The following ESF1 variants were observed in gnomAD, a reference collection of about 807,000 sequenced individuals.
ESF1 encodes ESF1 nucleolar pre-rRNA processing protein.
Under a neutral mutation model 92.0 loss-of-function variants are expected in ESF1, and 58 were observed. The ratio of observed to expected loss-of-function variants is 0.63; its 90% CI spans 0.51 to 0.78. The LOEUF (loss-of-function observed/expected upper bound fraction) is 0.78. Ranked by LOEUF, ESF1 falls within the 30% of genes least tolerant of loss-of-function variation. ESF1 has a pLI of 0.00. For synonymous variants in ESF1, 321 were observed against 313.7 expected (o/e 1.02, Z -0.24); for missense variants, 922 against 989.1 (o/e 0.93, Z 0.91).
chr20:13,723,986 T>C (rs1159034550), intron 11 of ESF1, among the ~76,000 whole-genome samples: 2 of 152,222 alleles, frequency 1.3e-5, no homozygotes, highest in African/African-American at 4.8e-5. Context: ...AGTTATTTTA[T>C]TTCTACATTT....
At chr20:13,737,566 C>G (rs1243169103) in intron 9 of ESF1, among the ~76,000 whole-genome samples, 1 of 152,212 alleles carries the variant, frequency 6.6e-6, no homozygotes, top group East Asian at 1.9e-4. Flanking sequence ...AAACCTGACT[C>G]TGTAACACTC....
intron 11 of ESF1, among the ~76,000 whole-genome samples, chr20:13,726,831 T>C (rs908187058): frequency 1.6e-3 from 48 of 30,090 alleles, no homozygotes; most frequent in African/African-American, 5.8e-3. Context: ...GTTTTGCTTT[T>C]TCAAAACAAA....
chr20:13,776,791 G>C (rs73259207), intron 2 of ESF1, among the ~76,000 whole-genome samples: 1,742 of 152,268 alleles, frequency 0.011, 31 homozygotes, highest in African/African-American at 0.039. Flanking sequence ...GGATGAACAG[G>C]AGTTAAATAG....
chr20:13,758,291 C>T (rs1978992530), intron 9 of ESF1, among the ~76,000 whole-genome samples: 2 of 151,996 alleles, frequency 1.3e-5, no homozygotes, highest in South Asian at 4.1e-4. Context: ...TTAGACTTTT[C>T]CTCTCCAGGC....
chr20:13,782,230 TTTATCTGGTTAGAGAATATAGTTCTCA>T (rs1260944029), intron 2 of ESF1, among the ~76,000 whole-genome samples: 1 of 152,182 alleles, frequency 6.6e-6, no homozygotes, highest in Non-Finnish European at 1.5e-5. Flanking sequence ...CATATAACAC[TTTATCTGGTTAGAGAATATAGTTCTCA>T]TTAGGGCTCA....
chr20:13,767,549 A>G (rs947224725), intron 7 of ESF1, among the ~76,000 whole-genome samples: 2 of 151,810 alleles, frequency 1.3e-5, no homozygotes, highest in Admixed American at 6.6e-5. Flanking sequence ...AAAAAAAGTT[A>G]ACATTATGAA....
At chr20:13,716,110 T>C (rs1056047171) in intron 13 of ESF1, among the ~76,000 whole-genome samples, 2 of 152,184 alleles carry the variant, frequency 1.3e-5, no homozygotes, top group Non-Finnish European at 2.9e-5. Context: ...AGAAGCCATC[T>C]GTATGCTACC....
chr20:13,741,570 T>C (rs993450612), intron 9 of ESF1, among the ~76,000 whole-genome samples: 4 of 152,010 alleles, frequency 2.6e-5, no homozygotes, highest in African/African-American at 9.6e-5. Context: ...ATTCAACAAA[T>C]GGAACAAGAT....
intron 11 of ESF1, 41 bp from the exon 12 acceptor site, chr20:13,719,025 G>T (rs749793095): frequency 1.4e-6 from 2 of 1,424,198 alleles, no homozygotes; most frequent in South Asian, 1.3e-5. Context: ...AAAATTACAG[G>T]ACTATCAGCA....
At chr20:13,781,618 A>C (rs1349087367) in intron 2 of ESF1, among the ~76,000 whole-genome samples, 1 of 152,104 alleles carries the variant, frequency 6.6e-6, no homozygotes, top group Non-Finnish European at 1.5e-5. Flanking sequence ...AGGGGCAAAA[A>C]ATCTGTTGCT....
intron 12 of ESF1, among the ~76,000 whole-genome samples, chr20:13,718,147 G>C (rs557018814): frequency 6.6e-6 from 1 of 152,282 alleles, no homozygotes; most frequent in African/African-American, 2.4e-5. Flanking sequence ...TACAGAGTAT[G>C]CTCTCGACCT....
chr20:13,757,632 A>G (rs183171259), intron 9 of ESF1, among the ~76,000 whole-genome samples: 5 of 152,234 alleles, frequency 3.3e-5, no homozygotes, highest in African/African-American at 1.2e-4. Flanking sequence ...CGAACATCTG[A>G]GGCTCAAGTA....
intron 8 of ESF1, among the ~76,000 whole-genome samples, chr20:13,762,632 G>A (rs1026672787): frequency 1.3e-5 from 2 of 152,092 alleles, no homozygotes; most frequent in Non-Finnish European, 2.9e-5. Flanking sequence ...TATATAAGGA[G>A]TGAAAGAATA....
chr20:13,733,666 C>T, intron 10 of ESF1, 55 bp downstream of exon 10: 1 of 1,548,560 alleles, frequency 6.5e-7, no homozygotes, highest in Non-Finnish European at 8.8e-7. Flanking sequence ...CACCTGGTAC[C>T]ATCTGATATA....
At chr20:13,763,275 T>C (rs1028504320) in intron 8 of ESF1, among the ~76,000 whole-genome samples, 38 of 152,216 alleles carry the variant, frequency 2.5e-4, no homozygotes, top group African/African-American at 9.2e-4. Flanking sequence ...GGAAGAAAGA[T>C]ATAGGGGGTT....
At chr20:13,739,416 C>T (rs1202268830) in intron 9 of ESF1, among the ~76,000 whole-genome samples, 1 of 152,104 alleles carries the variant, frequency 6.6e-6, no homozygotes, top group African/African-American at 2.4e-5. Context: ...AACATTTGGG[C>T]CTCATTAGGG....
At chr20:13,759,160 T>C (rs1288614230) in intron 9 of ESF1, among the ~76,000 whole-genome samples, 1 of 152,250 alleles carries the variant, frequency 6.6e-6, no homozygotes, top group East Asian at 1.9e-4. Context: ...TACTACAGAA[T>C]GATCCCATTT....
chr20:13,717,169 G>C (rs1003105350), intron 13 of ESF1, among the ~76,000 whole-genome samples, 199 bp downstream of exon 13: 6 of 151,764 alleles, frequency 4.0e-5, no homozygotes, highest in Non-Finnish European at 5.9e-5. Context: ...TGTTGCCCAG[G>C]CTGGTCTCCA....
chr20:13,748,515 T>TACATATATATATATAC (rs1978404229), intron 9 of ESF1, among the ~76,000 whole-genome samples: 2 of 133,166 alleles, frequency 1.5e-5, no homozygotes, highest in African/African-American at 5.9e-5. Flanking sequence ...CACATATATA[T>TACATATATATATATAC]ACACATATAT....
Sources: gnomAD v4.1 joint callset for allele counts (sites outside exome capture counted in the v4.1 genomes callset) on GRCh38, gnomAD v4.1.1 for gene constraint, MANE v1.5 for transcripts, NCBI Gene and HGNC (gene_info 2026-07-23, HGNC 2026-07-21) for gene names.